The following SORCS1 variants were observed in gnomAD, a reference collection of about 807,000 sequenced individuals.
SORCS1 encodes the protein sortilin related VPS10 domain containing receptor 1.
Under a neutral mutation model 146.1 loss-of-function variants are expected in SORCS1, and 60 were observed. The observed-to-expected ratio is 0.41, with a 90% confidence interval of 0.33 to 0.51. The LOEUF (loss-of-function observed/expected upper bound fraction) is 0.51. SORCS1 is among the 20% of genes least tolerant of loss of function. The probability of loss-of-function intolerance (pLI) is 0.21; values close to 1 mark genes in which losing one functional copy is unlikely to be tolerated. For missense variants in SORCS1, 1,352 were observed against 1,487.6 expected, an observed-to-expected ratio of 0.91 and a Z score of 1.50; for synonymous variants, 637 against 584.0, an observed-to-expected ratio of 1.09 and a Z score of -1.31.
intron 2 of SORCS1, among the ~76,000 whole-genome samples, chr10:106,897,226 G>C (rs1402065577): frequency 6.6e-6 from 1 of 151,796 alleles, no homozygotes; most frequent in African/African-American, 2.4e-5. Context: ...TGTTGCCCAG[G>C]CTGGAGTGCA....
At chr10:106,926,993 A>G (rs1953075986) in intron 2 of SORCS1, among the ~76,000 whole-genome samples, 1 of 152,166 alleles carries the variant, frequency 6.6e-6, no homozygotes, top group African/African-American at 2.4e-5. Context: ...AATAATACAT[A>G]ATACAATACT....
Position 106,947,141 on chromosome 10 carries a change from C to T in SORCS1, c.626+9372G>A, listed in dbSNP as rs547930016. On this transcript the variant is annotated intron_variant, in intron 2 of 25. Coordinates refer to ENST00000263054, the MANE Select transcript of SORCS1 (RefSeq NM_052918.5). ...ATCCAAAATACTGATTTAAAAGTTA[C>T]GTATTGAAAATTCCAGTCCTGATGA... Among the ~76,000 whole-genome samples, 5 of 152,224 alleles carry T rather than the reference C, an allele frequency of 3.3e-5. No homozygotes were observed. In the South Asian group the frequency reaches 8.3e-4, roughly 25 times the overall value.
rs1564926902 is a variant in SORCS1, at chr10:107,014,267, A to AAAG, written c.559-57688_559-57687insCTT. Among the ~76,000 whole-genome samples the AAAG allele has an allele frequency of 5.0e-5, 7 of 140,854 alleles. 1 individual carries two copies. The highest frequency in any genetic ancestry group is 1.9e-4 in the African/African-American group (6 of 31,922). 92.4% of individuals were successfully genotyped at this position (140,854 alleles called of 152,430 possible). A position where few individuals can be genotyped will look rare whatever the true frequency, so the allele number is the denominator to read the frequency against. On this transcript the variant is annotated intron_variant, in intron 1 of 25. Transcript: ENST00000263054. ...AGACCCTGCGTCAAAAAAAAAAAAA[A>AAAG]AAAAAGAAAAGAAAAAAAGAGAGAG...
chr10:106,829,394 A>G (rs1416214031), intron 3 of SORCS1, among the ~76,000 whole-genome samples, 180 bp downstream of exon 3: 1 of 152,180 alleles, frequency 6.6e-6, no homozygotes, highest in African/African-American at 2.4e-5. Flanking sequence ...TTACATTCAC[A>G]GCTGCTGATC....
intron 6 of SORCS1, among the ~76,000 whole-genome samples, chr10:106,715,009 G>C (rs1855263484): frequency 1.3e-5 from 2 of 152,184 alleles, no homozygotes; most frequent in South Asian, 4.1e-4. Context: ...AAGGGGAAAT[G>C]AACCATCTTG....
chr10:106,973,788 ATAATT>A (rs1468251691), intron 1 of SORCS1, among the ~76,000 whole-genome samples: 1 of 152,234 alleles, frequency 6.6e-6, no homozygotes, highest in Non-Finnish European at 1.5e-5. Context: ...CATGGAATGA[ATAATT>A]TATTTAGTGT....
At chr10:107,143,916 C>T (rs1463061010) in intron 1 of SORCS1, among the ~76,000 whole-genome samples, 2 of 152,096 alleles carry the variant, frequency 1.3e-5, no homozygotes, top group Non-Finnish European at 2.9e-5. Context: ...CAGGTATGAG[C>T]CACTGCGCCC....
At chr10:107,053,160 C>A (rs775432722) in intron 1 of SORCS1, among the ~76,000 whole-genome samples, 54 of 152,234 alleles carry the variant, frequency 3.5e-4, no homozygotes, top group Admixed American at 1.1e-3. Context: ...GTCTAAGAAA[C>A]CCTGTCCCAA....
chr10:107,145,712 G>C (rs1246692602), intron 1 of SORCS1, among the ~76,000 whole-genome samples: 1 of 152,078 alleles, frequency 6.6e-6, no homozygotes, highest in Non-Finnish European at 1.5e-5. Flanking sequence ...ATTGAATTCA[G>C]GCAACTTAAA....
chr10:106,688,374 T>A (rs1261377262), intron 9 of SORCS1, 36 bp from the exon 10 acceptor site: 5 of 1,605,328 alleles, frequency 3.1e-6, no homozygotes, highest in Non-Finnish European at 4.3e-6. Context: ...AATACATCAA[T>A]TTGAGAAGGG....
intron 3 of SORCS1, among the ~76,000 whole-genome samples, chr10:106,814,889 T>C (rs1266201912): frequency 1.9e-5 from 2 of 106,540 alleles, no homozygotes; most frequent in Non-Finnish European, 3.4e-5. Flanking sequence ...CTCTCCAGCC[T>C]GGGCGACAGA....
In SORCS1 at chr10:107,052,053, T is replaced by G. The variant is rs116197746; in HGVS notation, c.559-95473A>C. Among the ~76,000 whole-genome samples, 564 of 152,300 alleles carry G rather than the reference T, an allele frequency of 3.7e-3. 5 individuals are homozygous for G. Among genetic ancestry groups the G allele is most frequent in the African/African-American group, 0.013 (528 of 41,574 alleles). On this transcript the variant is annotated intron_variant, in intron 1 of 25. Transcript: ENST00000263054. The stretch of plus-strand genomic sequence containing the variant: ...CAGCCTAGGCTTGGATCTTTTGTTA[T>G]TCATGCTTCAATTGTTGCTACCCAC...
chr10:106,594,830 T>C (rs1440715077), intron 24 of SORCS1, among the ~76,000 whole-genome samples: 1 of 152,242 alleles, frequency 6.6e-6, no homozygotes, highest in East Asian at 1.9e-4. Flanking sequence ...CTTAGTTGTT[T>C]TTAATTTCTA....
chr10:106,808,096 C>T (rs1947276893), intron 3 of SORCS1, among the ~76,000 whole-genome samples: 1 of 152,236 alleles, frequency 6.6e-6, no homozygotes, highest in South Asian at 2.1e-4. Context: ...CCTTGGATCA[C>T]CACAACCTCT....
At chr10:107,073,725 TCCTCTGTATTTA>T (rs1223432863) in intron 1 of SORCS1, among the ~76,000 whole-genome samples, 3 of 152,084 alleles carry the variant, frequency 2.0e-5, no homozygotes, top group African/African-American at 7.2e-5. Context: ...TGACCCCCAA[TCCTCTGTATTTA>T]CCTAGGCCAT....
chr10:106,739,605 G>A (rs1313440850), intron 5 of SORCS1, among the ~76,000 whole-genome samples: 5 of 151,154 alleles, frequency 3.3e-5, no homozygotes, highest in African/African-American at 1.2e-4. Flanking sequence ...TCAGAAGATC[G>A]AGACCATCTG....
rs61732174 is a variant in SORCS1, at chr10:107,164,392, G to C, written c.135C>G (p.Ser45=). 120,446 of 1,437,810 alleles carry C rather than the reference G, an allele frequency of 0.084. 5,449 individuals are homozygous for C. The highest frequency in any genetic ancestry group is 0.093 in the Non-Finnish European group (102,647 of 1,099,970). 89.1% of individuals were successfully genotyped at this position (1,437,810 alleles called of 1,614,324 possible). A position where few individuals can be genotyped will look rare whatever the true frequency, so the allele number is the denominator to read the frequency against. The part of the protein sequence containing the change: ...GSCCPSPHPS[S]APRSASTPRG... ...TAGGGGTCGAGGCCGAGCGTGGAGC[G>C]GAGCTGGGGTGCGGCGAGGGGCAGC... Residue 45 remains serine (S), a synonymous_variant, in exon 1 of 26, where the codon TCC becomes TCG. Coordinates refer to ENST00000263054, the MANE Select transcript of SORCS1 (RefSeq NM_052918.5). This position sits in a 1 kb window ranked among gnomAD's most constrained non-coding sequence, Gnocchi z 6.8.
At chr10:106,977,445 G>C (rs905201355) in intron 1 of SORCS1, among the ~76,000 whole-genome samples, 1 of 151,928 alleles carries the variant, frequency 6.6e-6, no homozygotes, top group Non-Finnish European at 1.5e-5. Flanking sequence ...TTGTCAGATG[G>C]GTCGATTGCA....
chr10:106,665,829 G>C (rs1851091454), intron 17 of SORCS1, among the ~76,000 whole-genome samples: 1 of 151,960 alleles, frequency 6.6e-6, no homozygotes. Context: ...TTACACTTCT[G>C]TGGGTTTTTT....
Sources: allele counts gnomAD v4.1 joint callset (sites outside exome capture counted in the v4.1 genomes callset), GRCh38; gene constraint gnomAD v4.1.1; non-coding constraint Gnocchi (gnomAD v3.1); transcripts MANE v1.5; gene names NCBI Gene and HGNC (gene_info 2026-07-23, HGNC 2026-07-21).